Variants in KIF5C observed in about 807,000 individuals in gnomAD.
The protein encoded by KIF5C is kinesin family member 5C.
In KIF5C, 18 loss-of-function variants were observed where a neutral mutation model predicts 125.2. That is an observed-to-expected ratio of 0.14 (90% CI 0.10 to 0.21). The LOEUF (loss-of-function observed/expected upper bound fraction) is 0.21, where lower values mean the gene tolerates loss of function less well. Among genes scored for constraint, KIF5C ranks in the 10% least tolerant of loss-of-function variants. The pLI is 1.00. For missense variants in KIF5C, 780 were observed against 1,183.8 expected, an observed-to-expected ratio of 0.66 and a Z score of 5.01; for synonymous variants, 405 against 434.0, an observed-to-expected ratio of 0.93 and a Z score of 0.83.
intron 10 of KIF5C, among the ~76,000 whole-genome samples, chr2:148,953,868 G>A (rs1682728006): frequency 1.3e-5 from 2 of 152,098 alleles, no homozygotes; most frequent in African/African-American, 2.4e-5. Context: ...AATTTACCAT[G>A]TCTATTTCTA....
chr2:148,899,169 C>T (rs1412076529), intron 1 of KIF5C, among the ~76,000 whole-genome samples: 2 of 152,046 alleles, frequency 1.3e-5, no homozygotes, highest in East Asian at 1.9e-4. Context: ...CTTTCGTCAT[C>T]GAACACCTTT....
At chr2:148,972,740 G>A (rs191391649) in intron 11 of KIF5C, among the ~76,000 whole-genome samples, 5 of 152,280 alleles carry the variant, frequency 3.3e-5, no homozygotes, top group African/African-American at 1.2e-4. Flanking sequence ...ATTAATTCTG[G>A]CTTCCTGGAG....
chr2:148,963,577 T>G (rs1682979632), intron 11 of KIF5C, among the ~76,000 whole-genome samples: 1 of 152,208 alleles, frequency 6.6e-6, no homozygotes, highest in South Asian at 2.1e-4. Context: ...AATTGAATAA[T>G]TCAGCACCTG....
chr2:148,959,032 A>G (rs189559308), intron 10 of KIF5C, among the ~76,000 whole-genome samples: 149 of 151,868 alleles, frequency 9.8e-4, no homozygotes, highest in Admixed American at 3.4e-3. Flanking sequence ...ATACTGTCCT[A>G]TATTTTCTGT....
At chr2:148,899,723 A>G (rs1336013544) in intron 1 of KIF5C, among the ~76,000 whole-genome samples, 1 of 151,732 alleles carries the variant, frequency 6.6e-6, no homozygotes, top group Non-Finnish European at 1.5e-5. Flanking sequence ...AAAAAAAAAA[A>G]AAGAAAACAA....
At chr2:148,893,472 G>T (rs1478657296) in intron 1 of KIF5C, among the ~76,000 whole-genome samples, 2 of 152,090 alleles carry the variant, frequency 1.3e-5, no homozygotes, top group Admixed American at 1.3e-4. Context: ...ACTATCCATT[G>T]TGTCCTAAAC....
At chr2:148,881,946 T>C (rs1226301381) in intron 1 of KIF5C, among the ~76,000 whole-genome samples, 1 of 152,152 alleles carries the variant, frequency 6.6e-6, no homozygotes, top group Non-Finnish European at 1.5e-5. Context: ...TAAAGCCCCT[T>C]GACAGATCCA....
intron 11 of KIF5C, among the ~76,000 whole-genome samples, chr2:148,965,518 C>G (rs1020925919): frequency 6.6e-6 from 1 of 151,982 alleles, no homozygotes; most frequent in Admixed American, 6.6e-5. Flanking sequence ...AAGTTTCAGG[C>G]GAGAAGGAGA....
intron 15 of KIF5C, among the ~76,000 whole-genome samples, chr2:148,990,049 CTGGACAGGGCTCTTTG>C (rs146684860): frequency 0.024 from 3,673 of 152,314 alleles, 135 homozygotes; most frequent in African/African-American, 0.077. Flanking sequence ...GCGCTGGATT[CTGGACAGGGCTCTTTG>C]TTTTCTCTTA....
At chr2:148,909,404 T>C (rs2105065311) in intron 1 of KIF5C, among the ~76,000 whole-genome samples, 1 of 152,284 alleles carries the variant, frequency 6.6e-6, no homozygotes, top group East Asian at 1.9e-4. Flanking sequence ...AGAGGAGTCA[T>C]CTTTGTTTTG....
At chr2:148,963,202 G>A (rs558872978) in intron 11 of KIF5C, among the ~76,000 whole-genome samples, 2 of 151,738 alleles carry the variant, frequency 1.3e-5, no homozygotes, top group South Asian at 4.2e-4. Flanking sequence ...AGGTTGGTGT[G>A]TGTGTAGGGG....
At chr2:148,992,522 C>T (rs1446584719) in intron 16 of KIF5C, among the ~76,000 whole-genome samples, 1 of 151,984 alleles carries the variant, frequency 6.6e-6, no homozygotes, top group Non-Finnish European at 1.5e-5. Flanking sequence ...AAATAAATTG[C>T]CCAAATATCC....
intron 3 of KIF5C, 44 bp from the exon 4 acceptor site, chr2:148,937,240 C>T (rs746720526): frequency 1.9e-6 from 3 of 1,551,378 alleles, no homozygotes; most frequent in South Asian, 2.4e-5. Flanking sequence ...TCATGTGTCT[C>T]CCAGCATGCT....
chr2:148,963,505 C>T (rs1351127353), intron 11 of KIF5C, among the ~76,000 whole-genome samples: 1 of 152,136 alleles, frequency 6.6e-6, no homozygotes, highest in African/African-American at 2.4e-5. Flanking sequence ...GTCTAAATAA[C>T]ATGATTCTTT....
intron 1 of KIF5C, chr2:148,888,689 C>T (rs759081793): frequency 7.2e-5 from 11 of 151,974 alleles, no homozygotes; most frequent in Non-Finnish European, 1.5e-4. Flanking sequence ...ATGATGGTAA[C>T]ATGAAAGCAA....
chr2:148,981,242 T>C (rs1333074382), intron 13 of KIF5C, 113 bp from the exon 14 acceptor site: 3 of 1,428,224 alleles, frequency 2.1e-6, no homozygotes, highest in African/African-American at 1.4e-5. Flanking sequence ...TCCTGAACTT[T>C]TTCAACTTGT....
intron 7 of KIF5C, among the ~76,000 whole-genome samples, chr2:148,943,856 GATGATATTC>G (rs1252817225): frequency 6.6e-6 from 1 of 152,174 alleles, no homozygotes; most frequent in Non-Finnish European, 1.5e-5. Context: ...CAATGTATCA[GATGATATTC>G]ATGTATATAG....
At chr2:148,954,548 G>A (rs760993752) in intron 10 of KIF5C, among the ~76,000 whole-genome samples, 2 of 152,040 alleles carry the variant, frequency 1.3e-5, no homozygotes, top group African/African-American at 2.4e-5. Context: ...CCTCTGAGGG[G>A]GCAGACCAAT....
intron 13 of KIF5C, among the ~76,000 whole-genome samples, chr2:148,980,265 T>G (rs917518655): frequency 1.3e-5 from 2 of 152,128 alleles, no homozygotes; most frequent in African/African-American, 4.8e-5. Flanking sequence ...GGCCTTCCAT[T>G]TGCTTGAGTT....
Sources: allele counts gnomAD v4.1 joint callset (sites outside exome capture counted in the v4.1 genomes callset), GRCh38; gene constraint gnomAD v4.1.1; transcripts MANE v1.5; gene names NCBI Gene and HGNC (gene_info 2026-07-23, HGNC 2026-07-21).